PTPRN2: variants seen among roughly 807,000 people sequenced by gnomAD.
The protein encoded by PTPRN2 is protein tyrosine phosphatase receptor type N2, also known as receptor-type tyrosine-protein phosphatase N2.
PTPRN2 carries 74 observed loss-of-function variants against 118.8 expected under a neutral mutation model. The observed-to-expected ratio is 0.62, with a 90% CI of 0.52 to 0.76. The LOEUF (loss-of-function observed/expected upper bound fraction) is 0.76, where lower values mean the gene tolerates loss of function less well. PTPRN2 is among the 30% of genes least tolerant of loss of function. The pLI, the probability that PTPRN2 is intolerant of heterozygous loss-of-function variation, is 0.00. For synonymous variants in PTPRN2, 641 were observed against 608.0 expected (o/e 1.05, Z -0.80); for missense variants, 1,481 against 1,394.4 (o/e 1.06, Z -0.99).
intron 11 of PTPRN2, among the ~76,000 whole-genome samples, chr7:157,899,900 C>T (rs1420047504): frequency 6.6e-6 from 1 of 152,154 alleles, no homozygotes; most frequent in Non-Finnish European, 1.5e-5. Context: ...GAGGGGAGGA[C>T]ACAAATGTAA....
At chr7:158,125,454 G>A (rs1205655268) in intron 9 of PTPRN2, among the ~76,000 whole-genome samples, 11 of 152,116 alleles carry the variant, frequency 7.2e-5, no homozygotes, top group Admixed American at 6.5e-4. Flanking sequence ...AGGTTTGGGA[G>A]AGTTTTTGTT....
intron 2 of PTPRN2, among the ~76,000 whole-genome samples, chr7:158,403,224 A>C (rs1477756780): frequency 6.6e-6 from 1 of 152,234 alleles, no homozygotes; most frequent in African/African-American, 2.4e-5. Context: ...CCAGGGGAGC[A>C]CATGTGAGCA....
chr7:158,262,934 GCA>G (rs1170193530), intron 3 of PTPRN2, among the ~76,000 whole-genome samples: 67 of 124,508 alleles, frequency 5.4e-4, no homozygotes, highest in African/African-American at 1.3e-3. Flanking sequence ...TTCACACACT[GCA>G]CACACACATT....
Position 158,045,979 on chromosome 7 carries a change from T to C in PTPRN2, c.1723+35319A>G, listed in dbSNP as rs1808831140. ...GGCATCCTGACACTGCCTTGTTCTG[T>C]CCAGGAGCAGAACCTGCGATCCTGG... On this transcript the variant is annotated intron_variant, in intron 11 of 22. Transcript: ENST00000389418. Among the ~76,000 whole-genome samples the C allele has an allele frequency of 3.5e-5, 5 of 142,974 alleles. No homozygotes were observed. In the South Asian group the frequency reaches 1.2e-3, roughly 33 times the overall value. The allele number at this position is 142,974 out of a possible 152,430, so 93.8% of individuals were successfully genotyped here.
intron 3 of PTPRN2, among the ~76,000 whole-genome samples, chr7:158,233,325 CATAAT>C (rs1460989987): frequency 2.0e-5 from 3 of 152,156 alleles, no homozygotes; most frequent in African/African-American, 2.4e-5. Flanking sequence ...AATAGCTAAA[CATAAT>C]ATAAGATACC....
chr7:157,661,211 C>T (rs955047344), intron 13 of PTPRN2, among the ~76,000 whole-genome samples: 7 of 152,268 alleles, frequency 4.6e-5, no homozygotes, highest in South Asian at 2.1e-4. Context: ...CGCGTCACTG[C>T]GCAGCGCAGG....
intron 2 of PTPRN2, among the ~76,000 whole-genome samples, chr7:158,387,569 G>A (rs1811555764): frequency 6.6e-6 from 1 of 152,290 alleles, no homozygotes; most frequent in African/African-American, 2.4e-5. Context: ...CGGCATCCCT[G>A]TCAGCTCAGC....
intron 2 of PTPRN2, among the ~76,000 whole-genome samples, chr7:158,369,426 C>T (rs1053256876): frequency 1.4e-4 from 21 of 152,144 alleles, no homozygotes; most frequent in Middle Eastern, 3.4e-3. Flanking sequence ...GTGAGGGTGC[C>T]GGGGGTCAGA....
In PTPRN2 at chr7:157,610,292, CAG is replaced by C. The variant is rs1802254527; in HGVS notation, c.2345-6219_2345-6218del. On this transcript the variant is annotated intron_variant, in intron 15 of 22. Transcript: ENST00000389418. The surrounding 1 kb of genome is among the most constrained non-coding windows in gnomAD (Gnocchi z 5.1). ...ACTCGGCAATGGGGTTCCTTCCACTCAGGGGTCTCAGGTGTTCTCTCGGGCTC... is the reference window on the plus strand; with the variant it reads ...ACTCGGCAATGGGGTTCCTTCCACTCGGGTCTCAGGTGTTCTCTCGGGCTC... Among the ~76,000 whole-genome samples the C allele has an allele frequency of 6.6e-6, 1 of 152,220 alleles. No homozygotes were observed. Among genetic ancestry groups the C allele is most frequent in the African/African-American group, 2.4e-5 (1 of 41,450 alleles).
rs967129774 is a variant in PTPRN2, at chr7:157,550,257, A to G, written c.2903-1238T>C. On this transcript the variant is annotated intron_variant, in intron 21 of 22. Coordinates refer to ENST00000389418, the MANE Select transcript of PTPRN2 (RefSeq NM_002847.5). The surrounding 1 kb of genome is among the most constrained non-coding windows in gnomAD (Gnocchi z 5.2). ...AGCCAGTGGGGGCTCAGGCTCCAGG[A>G]GGATCATCCCAGCAGGGTAGCAGGT... 1.3e-5 allele frequency among the ~76,000 whole-genome samples: 2 copies of G among 152,112 alleles called. No individual in the cohort carries two copies. Among genetic ancestry groups the G allele is most frequent in the African/African-American group, 4.8e-5 (2 of 41,438 alleles).
chr7:157,561,162 G>A (rs770993698), intron 21 of PTPRN2, among the ~76,000 whole-genome samples: 40 of 151,968 alleles, frequency 2.6e-4, no homozygotes, highest in Admixed American at 4.6e-4. Context: ...TGTACTGCCC[G>A]GCCAGTCTCC....
At chr7:157,852,119 C>T (rs1024424254) in intron 12 of PTPRN2, among the ~76,000 whole-genome samples, 7 of 152,164 alleles carry the variant, frequency 4.6e-5, no homozygotes, top group African/African-American at 1.7e-4. Context: ...TTAAAATACG[C>T]CAGAAATGAC....
intron 5 of PTPRN2, among the ~76,000 whole-genome samples, chr7:158,180,174 A>G (rs771017466): frequency 3.3e-5 from 5 of 152,266 alleles, no homozygotes; most frequent in Non-Finnish European, 7.3e-5. Flanking sequence ...ATAGAGATCC[A>G]GTTTCATTCT....
chr7:157,924,182 C>T (rs182990278), intron 11 of PTPRN2, among the ~76,000 whole-genome samples: 200 of 152,244 alleles, frequency 1.3e-3, no homozygotes, highest in Non-Finnish European at 2.1e-3. Flanking sequence ...TGAGGGGGCG[C>T]GGCCACAGGC....
rs567453206 is a variant in PTPRN2, at chr7:158,396,769, C to T, written c.164-79837G>A. Among the ~76,000 whole-genome samples the T allele has an allele frequency of 1.4e-4, 22 of 152,338 alleles. No individual in the cohort carries two copies. The East Asian group carries it at 1.9e-3, about 13-fold the overall frequency. ...AGCCGCCTCCACCTGCACACACCAGCGGTGACCCGCCTCGGGGTCTGTCCT... is the reference window on the plus strand; with the variant it reads ...AGCCGCCTCCACCTGCACACACCAGTGGTGACCCGCCTCGGGGTCTGTCCT... On this transcript the variant is annotated intron_variant, in intron 2 of 22. Coordinates refer to ENST00000389418, the MANE Select transcript of PTPRN2 (RefSeq NM_002847.5).
Position 157,939,680 on chromosome 7 carries a change from C to T in PTPRN2, c.1724-40943G>A, listed in dbSNP as rs116478758. 7.1e-3 allele frequency among the ~76,000 whole-genome samples: 1,080 copies of T among 152,378 alleles called. 15 individuals carry two copies. The highest frequency in any genetic ancestry group is 0.025 in the African/African-American group (1,029 of 41,592). On this transcript the variant is annotated intron_variant, in intron 11 of 22. Coordinates refer to ENST00000389418, the MANE Select transcript of PTPRN2 (RefSeq NM_002847.5). Reference sequence around the variant, plus strand: ...TCAGCACCAGACAGACAGAGTTGGCCTCAGAACTCCTCAGTCCAGCTTCCC... The same window carrying T: ...TCAGCACCAGACAGACAGAGTTGGCTTCAGAACTCCTCAGTCCAGCTTCCC...
chr7:158,346,546 T>C (rs1213212704), intron 2 of PTPRN2, among the ~76,000 whole-genome samples: 4 of 152,246 alleles, frequency 2.6e-5, no homozygotes, highest in Non-Finnish European at 5.9e-5. Flanking sequence ...TGATTCTATG[T>C]CATGGCCATT....
intron 3 of PTPRN2, among the ~76,000 whole-genome samples, chr7:158,298,109 T>G (rs1800625756): frequency 6.6e-6 from 1 of 152,202 alleles, no homozygotes; most frequent in African/African-American, 2.4e-5. Flanking sequence ...ACTTATGCCC[T>G]TTTTTGTCAT....
At chr7:158,264,680 C>G (rs1424343071) in intron 3 of PTPRN2, among the ~76,000 whole-genome samples, 1 of 152,142 alleles carries the variant, frequency 6.6e-6, no homozygotes, top group Non-Finnish European at 1.5e-5. Context: ...GGCCGGGAGC[C>G]AGGAGCCGTG....
Sources: gnomAD v4.1 joint callset for allele counts (sites outside exome capture counted in the v4.1 genomes callset) on GRCh38, gnomAD v4.1.1 for gene constraint, Gnocchi (gnomAD v3.1) non-coding constraint, MANE v1.5 for transcripts, NCBI Gene and HGNC (gene_info 2026-07-23, HGNC 2026-07-21) for gene names.